TSHZ1: variants seen among roughly 807,000 people sequenced by gnomAD.
TSHZ1 encodes teashirt zinc finger homeobox 1.
Under a neutral mutation model 67.1 loss-of-function variants are expected in TSHZ1, and 12 were observed. That is an observed-to-expected ratio of 0.18 (90% CI 0.11 to 0.29). TSHZ1 has a LOEUF of 0.29. Among genes scored for constraint, TSHZ1 ranks in the 10% least tolerant of loss-of-function variants. TSHZ1 has a pLI of 1.00. For synonymous variants in TSHZ1, 632 were observed against 622.4 expected (o/e 1.02, Z -0.23); for missense variants, 1,305 against 1,413.9 (o/e 0.92, Z 1.23).
rs981601421 is a variant in TSHZ1 at position 75,217,149 on chromosome 18, G to A, written c.40+5233G>A. On this transcript the variant is annotated intron_variant, in intron 1 of 1. Coordinates refer to ENST00000580243, the MANE Select transcript of TSHZ1 (RefSeq NM_001308210.2). ...CCTAGACCTTACTCCCTGTGTGTGG[G>A]GCAAAGTGCCTTAGGCAGGCCTCTG... Among the ~76,000 whole-genome samples, 56 of 152,306 alleles carry A rather than the reference G, an allele frequency of 3.7e-4. 1 individual carries two copies. The highest frequency in any genetic ancestry group is 3.5e-3 in the South Asian group (17 of 4,830).
intron 1 of TSHZ1, among the ~76,000 whole-genome samples, chr18:75,260,825 A>G (rs926953464): frequency 6.6e-6 from 1 of 152,186 alleles, no homozygotes; most frequent in Non-Finnish European, 1.5e-5. Flanking sequence ...GTGATATACC[A>G]GGGAAGCCTT....
At chr18:75,273,961 G>A (rs2023586102) in intron 1 of TSHZ1, among the ~76,000 whole-genome samples, 1 of 152,188 alleles carries the variant, frequency 6.6e-6, no homozygotes. Flanking sequence ...GCACACGCGT[G>A]CACTCTCGCA....
intron 1 of TSHZ1, among the ~76,000 whole-genome samples, chr18:75,250,750 G>A (rs1025129669): frequency 1.3e-5 from 2 of 152,242 alleles, no homozygotes; most frequent in East Asian, 3.8e-4. Context: ...CTGGGATGAA[G>A]GCCACAGGTC....
chr18:75,287,706 T>G lies in TSHZ1; in HGVS notation c.2299T>G (p.Ser767Ala). 6.2e-7 allele frequency: 1 copy of G among 1,614,148 alleles called. No individual in the cohort carries two copies. The highest frequency in any genetic ancestry group is 8.5e-7 in the Non-Finnish European group (1 of 1,180,036). ...CAAGGTGTCCAAGCCCGTGAGTCCC[T>G]CGCTGGACCCGCTGGCGATGCTGTA... ...LGKVSKPVSP[S>A]LDPLAMLYKI... The change falls in exon 2 of 2, where the codon TCG (serine) becomes GCG (alanine). Residue 767 changes from serine to alanine, a missense_variant. Transcript: ENST00000580243. The surrounding 1 kb of genome is among the most constrained non-coding windows in gnomAD (Gnocchi z 5.0).
intron 1 of TSHZ1, chr18:75,284,833 C>T (rs938804166): frequency 2.0e-5 from 3 of 152,334 alleles, no homozygotes; most frequent in Non-Finnish European, 4.4e-5. Flanking sequence ...TGAGGCTGCT[C>T]TGGGCCTTGG....
chr18:75,233,822 C>A (rs563918043), intron 1 of TSHZ1, among the ~76,000 whole-genome samples: 1 of 152,080 alleles, frequency 6.6e-6, no homozygotes, highest in African/African-American at 2.4e-5. Context: ...TTTTTTCTAG[C>A]GAGCATCCGC....
At chr18:75,253,116 GAGGTAATCGCCT>G (rs2023323950) in intron 1 of TSHZ1, among the ~76,000 whole-genome samples, 1 of 152,178 alleles carries the variant, frequency 6.6e-6, no homozygotes, top group Admixed American at 6.5e-5. Context: ...AGTTTTTTCA[GAGGTAATCGCCT>G]AGGTTATTTA....
chr18:75,221,467 A>G (rs2022844357), intron 1 of TSHZ1, among the ~76,000 whole-genome samples: 2 of 152,276 alleles, frequency 1.3e-5, no homozygotes, highest in African/African-American at 2.4e-5. Flanking sequence ...TGCAAGATTC[A>G]TAGCAAGAAA....
rs945527819 is a variant in TSHZ1, at chr18:75,287,765, G to A, written c.2358G>A (p.Val786=). ...KISNSMLDKP[V]YPATPVKQAD... is the part of the protein sequence containing the mutation. ...GCAACAGCATGCTGGACAAGCCGGT[G>A]TACCCCGCCACCCCTGTGAAGCAGG... is the stretch of plus-strand genomic sequence containing the variant. The change falls in exon 2 of 2, where the codon GTG becomes GTA. Residue 786 remains valine, a synonymous_variant. Transcript: ENST00000580243. The surrounding 1 kb of genome is among the most constrained non-coding windows in gnomAD (Gnocchi z 5.0). The A allele has an allele frequency of 2.5e-6, 4 of 1,614,014 alleles. No homozygotes were observed. Among genetic ancestry groups the A allele is most frequent in the Admixed American group, 3.3e-5 (2 of 60,014 alleles).
At chr18:75,224,026 T>C (rs1456870481) in intron 1 of TSHZ1, among the ~76,000 whole-genome samples, 1 of 134,756 alleles carries the variant, frequency 7.4e-6, no homozygotes, top group East Asian at 2.1e-4. Context: ...TACCCACAGA[T>C]GGCAAAGGTT....
chr18:75,276,158 G>T (rs2023611631), intron 1 of TSHZ1, among the ~76,000 whole-genome samples: 1 of 152,122 alleles, frequency 6.6e-6, no homozygotes, highest in East Asian at 1.9e-4. Context: ...TGAATTCAGG[G>T]GCAGTGAGAG....
At position 75,286,236 on chromosome 18, in the gene TSHZ1, G is replaced by C. The variant is rs202083605; in HGVS notation, c.829G>C (p.Asp277His). The change falls in exon 2 of 2, where the codon GAC (aspartate) becomes CAC (histidine). Residue 277 changes from aspartate (D) to histidine (H), a missense_variant. Asp to His is a moderately conservative substitution (Grantham distance 81, BLOSUM62 -1). Transcript: ENST00000580243. This position sits in a 1 kb window ranked among gnomAD's most constrained non-coding sequence, Gnocchi z 5.1. ...ETGHYRDDNR[D>H]KDSEKTKRWS... ...AGGCCACTACCGTGACGACAACAGG[G>C]ACAAGGACTCCGAGAAGACCAAGAG... 2.5e-6 allele frequency: 4 copies of C among 1,614,064 alleles called. No individual in the cohort carries two copies. Among genetic ancestry groups the C allele is most frequent in the Non-Finnish European group, 3.4e-6 (4 of 1,179,956 alleles).
At chr18:75,224,644 A>G (rs1193679779) in intron 1 of TSHZ1, among the ~76,000 whole-genome samples, 1 of 152,178 alleles carries the variant, frequency 6.6e-6, no homozygotes, top group Non-Finnish European at 1.5e-5. Flanking sequence ...TTTATCGGCT[A>G]TTTTAAACAT....
chr18:75,267,204 T>G (rs1168976129), intron 1 of TSHZ1, among the ~76,000 whole-genome samples: 1 of 152,228 alleles, frequency 6.6e-6, no homozygotes, highest in Non-Finnish European at 1.5e-5. Flanking sequence ...ATTGCAGCTC[T>G]GCTCATAATC....
rs555813802 is a variant in TSHZ1, at chr18:75,278,732, G to A, written c.41-6716G>A. ...AGCTGTGACAGGGGAGATCAGAAGC[G>A]CAGGTCCTCCAGTGCTGGCTGCTGG... is the stretch of plus-strand genomic sequence containing the variant. On this transcript the variant is annotated intron_variant, in intron 1 of 1. Coordinates refer to ENST00000580243, the MANE Select transcript of TSHZ1 (RefSeq NM_001308210.2). Among the ~76,000 whole-genome samples, 51 of 152,244 alleles carry A rather than the reference G, an allele frequency of 3.3e-4. No homozygotes were observed. In the South Asian group the frequency reaches 8.5e-3, roughly 25 times the overall value.
chr18:75,248,487 T>G (rs772617471), intron 1 of TSHZ1, among the ~76,000 whole-genome samples: 1 of 152,206 alleles, frequency 6.6e-6, no homozygotes, highest in Non-Finnish European at 1.5e-5. Context: ...TTATACATAA[T>G]CCAAGGGTTA....
At chr18:75,250,355 CAG>C (rs2023284199) in intron 1 of TSHZ1, among the ~76,000 whole-genome samples, 1 of 152,324 alleles carries the variant, frequency 6.6e-6, no homozygotes, top group Non-Finnish European at 1.5e-5. Context: ...CTTCTCCCCG[CAG>C]AGTCCCCAGT....
intron 1 of TSHZ1, among the ~76,000 whole-genome samples, chr18:75,227,464 A>G (rs1431896969): frequency 6.6e-6 from 1 of 152,186 alleles, no homozygotes; most frequent in African/African-American, 2.4e-5. Context: ...TACTTTTTAT[A>G]TAAGTTCCCA....
chr18:75,231,214 C>G (rs2022994620), intron 1 of TSHZ1, among the ~76,000 whole-genome samples: 1 of 152,234 alleles, frequency 6.6e-6, no homozygotes, highest in Non-Finnish European at 1.5e-5. Context: ...GTGGTGCCCA[C>G]TTGCTCCCTC....
Sources: gnomAD v4.1 joint callset for allele counts (sites outside exome capture counted in the v4.1 genomes callset) on GRCh38, gnomAD v4.1.1 for gene constraint, Gnocchi (gnomAD v3.1) non-coding constraint, MANE v1.5 for transcripts, NCBI Gene and HGNC (gene_info 2026-07-23, HGNC 2026-07-21) for gene names.